The following C12orf54 variants were observed in gnomAD, a reference collection of about 807,000 sequenced individuals.
C12orf54 encodes the protein chromosome 12 open reading frame 54, also known as uncharacterized protein C12orf54.
A neutral mutation model predicts 26.4 loss-of-function variants in C12orf54; 24 were observed. The observed-to-expected ratio is 0.91, with a 90% CI of 0.66 to 1.28. The LOEUF (loss-of-function observed/expected upper bound fraction) is 1.28, where lower values mean the gene tolerates loss of function less well. Ranked by LOEUF, C12orf54 falls within the 50% of genes most tolerant of loss-of-function variation. C12orf54 has a pLI of 0.00. For synonymous variants in C12orf54, 54 were observed against 47.0 expected (o/e 1.15, Z -0.61); for missense variants, 154 against 150.9 (o/e 1.02, Z -0.11).
chr12:48,464,940 T>G, the C12orf54 span, among the ~76,000 whole-genome samples: 1 of 152,188 alleles, frequency 6.6e-6, no homozygotes, highest in Non-Finnish European at 1.5e-5. Flanking sequence ...GACTTAAATG[T>G]AAAACCCAAA....
chr12:48,489,432 T>C (rs1426112442), intron 5 of C12orf54: 1 of 261,392 alleles, frequency 3.8e-6, no homozygotes, highest in Non-Finnish European at 7.7e-6. Context: ...TCAATCTCTC[T>C]CTCTCTCTCT....
chr12:48,425,897 A>G, the C12orf54 span, among the ~76,000 whole-genome samples: 1 of 145,904 alleles, frequency 6.9e-6, no homozygotes, highest in Non-Finnish European at 1.5e-5. Flanking sequence ...GTATCGGTTC[A>G]TATCTTTTGC....
chr12:48,424,525 G>A, the C12orf54 span, among the ~76,000 whole-genome samples: 1 of 146,330 alleles, frequency 6.8e-6, no homozygotes, highest in East Asian at 3.4e-4. Context: ...TCACTAGAAT[G>A]GTTCAAATGA....
At chr12:48,444,785 G>A in the C12orf54 span, among the ~76,000 whole-genome samples, 12 of 152,106 alleles carry the variant, frequency 7.9e-5, no homozygotes, top group Non-Finnish European at 1.8e-4. Context: ...TCCCAAAAAG[G>A]CCTGCCTGAG....
At chr12:48,422,443 A>T in the C12orf54 span, among the ~76,000 whole-genome samples, 3 of 152,232 alleles carry the variant, frequency 2.0e-5, no homozygotes, top group African/African-American at 7.2e-5. Context: ...TCGGGAGGCC[A>T]TGCTTTTTAG....
chr12:48,420,919 T>C, the C12orf54 span, among the ~76,000 whole-genome samples: 21 of 152,200 alleles, frequency 1.4e-4, no homozygotes, highest in Admixed American at 3.3e-4. Flanking sequence ...TTTTAACTCA[T>C]GCACAGAAGG....
the C12orf54 span, among the ~76,000 whole-genome samples, chr12:48,450,346 G>C: frequency 2.0e-5 from 3 of 152,204 alleles, no homozygotes; most frequent in South Asian, 4.2e-4. Flanking sequence ...TGTTAAGAGG[G>C]AAATGTATAA....
At chr12:48,449,901 T>C in the C12orf54 span, among the ~76,000 whole-genome samples, 1 of 152,084 alleles carries the variant, frequency 6.6e-6, no homozygotes, top group South Asian at 2.1e-4. Context: ...GGGGAGGTAA[T>C]TGAGTCATGG....
rs1261956393 is a variant in C12orf54 at position 48,483,313 on chromosome 12, G to C, written c.17G>C (p.Cys6Ser). ...TGAGAACAAATGGCACAGCATCCCT[G>C]CCAGGATCAGGAACAAAAGGTAGAA... MAQHP[C>S]QDQEQKVEMT... The change falls in exon 2 of 9, where the codon TGC (cysteine) becomes TCC (serine). Residue 6 changes from cysteine (C) to serine (S), a missense_variant. By Grantham distance (112) the Cys-to-Ser change is moderately radical. Transcript: ENST00000548364. The C allele has an allele frequency of 6.2e-7, 1 of 1,613,920 alleles. No individual in the cohort carries two copies. The highest frequency in any genetic ancestry group is 8.5e-7 in the Non-Finnish European group (1 of 1,179,922).
At chr12:48,439,400 A>AATT in the C12orf54 span, among the ~76,000 whole-genome samples, 95 of 152,340 alleles carry the variant, frequency 6.2e-4, no homozygotes, top group African/African-American at 2.2e-3. Context: ...ATTACTGGGT[A>AATT]TATACCCAAA....
intron 8 of C12orf54, 40 bp downstream of exon 8, chr12:48,495,019 G>A (rs933154678): frequency 5.0e-5 from 74 of 1,473,254 alleles, no homozygotes; most frequent in East Asian, 4.8e-4. Flanking sequence ...GCTCCACCCT[G>A]CCCATCTGTG....
chr12:48,418,412 T>C, the C12orf54 span, among the ~76,000 whole-genome samples: 2 of 152,158 alleles, frequency 1.3e-5, no homozygotes, highest in African/African-American at 4.8e-5. Context: ...CAGTGGTCAT[T>C]GTTGTGTGAT....
chr12:48,437,437 A>G, the C12orf54 span, among the ~76,000 whole-genome samples: 1 of 152,172 alleles, frequency 6.6e-6, no homozygotes, highest in Non-Finnish European at 1.5e-5. Flanking sequence ...AGCCGGGCAG[A>G]GACACAACAA....
At chr12:48,434,724 A>G in the C12orf54 span, among the ~76,000 whole-genome samples, 1 of 152,350 alleles carries the variant, frequency 6.6e-6, no homozygotes, top group African/African-American at 2.4e-5. Context: ...AGGAAAACTA[A>G]CAAACAGAAA....
chr12:48,440,947 C>G, the C12orf54 span, among the ~76,000 whole-genome samples: 1 of 152,132 alleles, frequency 6.6e-6, no homozygotes, highest in East Asian at 1.9e-4. Context: ...TAGCTCACAG[C>G]TTCAGTGGGA....
the C12orf54 span, among the ~76,000 whole-genome samples, chr12:48,417,927 T>C: frequency 6.6e-6 from 1 of 152,252 alleles, no homozygotes; most frequent in Admixed American, 6.5e-5. Flanking sequence ...TTATTTTTTA[T>C]GGCTGCACAG....
the C12orf54 span, among the ~76,000 whole-genome samples, chr12:48,470,518 G>C: frequency 1.3e-5 from 2 of 152,238 alleles, no homozygotes; most frequent in African/African-American, 4.8e-5. Flanking sequence ...TTTTCATGGG[G>C]TAGCTTTTTG....
the C12orf54 span, among the ~76,000 whole-genome samples, chr12:48,429,331 G>C: frequency 6.6e-6 from 1 of 152,078 alleles, no homozygotes; most frequent in Non-Finnish European, 1.5e-5. Flanking sequence ...AATCAGACAA[G>C]AGAAAGAAAT....
At chr12:48,449,743 A>C in the C12orf54 span, among the ~76,000 whole-genome samples, 1 of 152,216 alleles carries the variant, frequency 6.6e-6, no homozygotes, top group African/African-American at 2.4e-5. Context: ...AATGGATATT[A>C]ATAAAACATC....
Sources: gnomAD v4.1 joint callset for allele counts (sites outside exome capture counted in the v4.1 genomes callset) on GRCh38, gnomAD v4.1.1 for gene constraint, MANE v1.5 for transcripts, NCBI Gene and HGNC (gene_info 2026-07-23, HGNC 2026-07-21) for gene names.